DNAJC3: variants seen among roughly 807,000 people sequenced by gnomAD.
DNAJC3 encodes DnaJ heat shock protein family (Hsp40) member C3, also known as dnaJ homolog subfamily C member 3.
Under a neutral mutation model 68.6 loss-of-function variants are expected in DNAJC3, and 38 were observed. That is an observed-to-expected ratio of 0.55 (90% CI 0.43 to 0.73). DNAJC3 has a LOEUF of 0.73. DNAJC3 is among the 30% of genes least tolerant of loss of function. The pLI, the probability that DNAJC3 is intolerant of heterozygous loss-of-function variation, is 0.00. For synonymous variants in DNAJC3, 203 were observed against 204.0 expected, an observed-to-expected ratio of 1.00 and a Z score of 0.04; for missense variants, 526 against 591.9, an observed-to-expected ratio of 0.89 and a Z score of 1.16.
rs1400260642 is a variant in DNAJC3, at chr13:95,785,452, C to T, written c.1076-487C>T. ...GTTTTCATTATTATGCCTTTTAAAC[C>T]TTTTTTTTTTTTTTTTTTTTTTTTG... On this transcript the variant is annotated intron_variant, in intron 9 of 11. Transcript: ENST00000602402. Among the ~76,000 whole-genome samples, 161 of 77,974 alleles carry T rather than the reference C, an allele frequency of 2.1e-3. 3 individuals are homozygous for T. Among genetic ancestry groups the T allele is most frequent in the African/African-American group, 8.4e-3 (155 of 18,528 alleles). The allele number at this position is 77,974 out of a possible 152,430, so 51.2% of individuals were successfully genotyped here.
At chr13:95,743,518 A>G (rs1383923105) in intron 4 of DNAJC3, among the ~76,000 whole-genome samples, 4 of 152,170 alleles carry the variant, frequency 2.6e-5, no homozygotes, top group Non-Finnish European at 5.9e-5. Context: ...TTAAGTGGGA[A>G]CTGAAAGTAT....
intron 7 of DNAJC3, among the ~76,000 whole-genome samples, chr13:95,762,575 A>G (rs1433865512): frequency 1.3e-5 from 2 of 152,184 alleles, no homozygotes; most frequent in Non-Finnish European, 2.9e-5. Flanking sequence ...ACTTGGGACA[A>G]ATACATCTAT....
At chr13:95,683,708 C>T (rs1376267901) in intron 1 of DNAJC3, among the ~76,000 whole-genome samples, 3 of 151,430 alleles carry the variant, frequency 2.0e-5, no homozygotes, top group Admixed American at 6.6e-5. Context: ...GGATGGATCA[C>T]GAGGTCAGGA....
intron 1 of DNAJC3, among the ~76,000 whole-genome samples, chr13:95,690,898 G>A (rs1360828136): frequency 7.3e-6 from 1 of 137,734 alleles, no homozygotes; most frequent in Non-Finnish European, 1.6e-5. Context: ...CCCAGACGGG[G>A]CGGCTGGCCG....
At position 95,709,148 on chromosome 13, in the gene DNAJC3, CTA is replaced by C. The variant is rs557450348; in HGVS notation, c.83-77_83-76del. On this transcript the variant is annotated intron_variant, in intron 1 of 11. Coordinates refer to ENST00000602402, the MANE Select transcript of DNAJC3 (RefSeq NM_006260.5). Reference sequence around the variant, plus strand: ...CTGAGTAGATGACTGAGACAGATAACTATTTTTAATATTATATTTTTTAGAAT... The same window carrying C: ...CTGAGTAGATGACTGAGACAGATAACTTTTTAATATTATATTTTTTAGAAT... 2,353 of 1,035,420 alleles carry C rather than the reference CTA, an allele frequency of 2.3e-3. 5 individuals carry two copies. The highest frequency in any genetic ancestry group is 2.8e-3 in the Non-Finnish European group (2,123 of 754,092). The allele number at this position is 1,035,420 out of a possible 1,614,324, so 64.1% of individuals were successfully genotyped here.
intron 1 of DNAJC3, chr13:95,693,824 T>C (rs1880352217): frequency 6.6e-6 from 1 of 152,202 alleles, no homozygotes; most frequent in Admixed American, 6.5e-5. Context: ...TCACTTCTAC[T>C]ATACCTAGTT....
At chr13:95,735,482 G>C (rs1331131325) in intron 4 of DNAJC3, among the ~76,000 whole-genome samples, 11 of 145,114 alleles carry the variant, frequency 7.6e-5, no homozygotes, top group African/African-American at 2.9e-4. Context: ...TCCAGCACCT[G>C]TTGTTTCCTG....
In DNAJC3 at chr13:95,720,748, G is replaced by A. The variant is rs116284303; in HGVS notation, c.194-2494G>A. ...CTTGCCTCCTAAAGGAAGTTATTTAGTAAAGAAATGTTAGTGACGCTTAGC... is the reference window on the plus strand; with the variant it reads ...CTTGCCTCCTAAAGGAAGTTATTTAATAAAGAAATGTTAGTGACGCTTAGC... On this transcript the variant is annotated intron_variant, in intron 2 of 11. Coordinates refer to ENST00000602402, the MANE Select transcript of DNAJC3 (RefSeq NM_006260.5). 1.9e-3 allele frequency among the ~76,000 whole-genome samples: 291 copies of A among 152,106 alleles called. 1 individual carries two copies. Among genetic ancestry groups the A allele is most frequent in the African/African-American group, 6.8e-3 (284 of 41,470 alleles).
At chr13:95,691,472 A>G (rs1407156607) in intron 1 of DNAJC3, among the ~76,000 whole-genome samples, 1 of 149,116 alleles carries the variant, frequency 6.7e-6, no homozygotes, top group Non-Finnish European at 1.5e-5. Flanking sequence ...CCGGGCAGAG[A>G]TGCTCCTCAC....
chr13:95,688,056 T>C (rs867615733), intron 1 of DNAJC3, among the ~76,000 whole-genome samples: 3 of 152,204 alleles, frequency 2.0e-5, no homozygotes, highest in South Asian at 2.1e-4. Context: ...AATGGGATTT[T>C]GTTATTGATT....
intron 9 of DNAJC3, among the ~76,000 whole-genome samples, chr13:95,764,666 A>G (rs980088926): frequency 8.1e-6 from 1 of 123,832 alleles, no homozygotes; most frequent in Non-Finnish European, 1.6e-5. Context: ...ATATATATAT[A>G]TATATATATA....
At chr13:95,679,032 G>A (rs1005296529) in intron 1 of DNAJC3, among the ~76,000 whole-genome samples, 10 of 152,026 alleles carry the variant, frequency 6.6e-5, no homozygotes, top group Non-Finnish European at 1.3e-4. Context: ...TCTTATTCAC[G>A]AAAGCGTGTG....
intron 4 of DNAJC3, among the ~76,000 whole-genome samples, chr13:95,732,565 T>G (rs1034507589): frequency 3.8e-5 from 1 of 26,482 alleles, no homozygotes; most frequent in Non-Finnish European, 5.9e-5. Flanking sequence ...CCTTTTCTCG[T>G]TTTTTTCTTG....
intron 1 of DNAJC3, chr13:95,695,422 C>T (rs543173979): frequency 4.4e-4 from 67 of 152,294 alleles, no homozygotes; most frequent in African/African-American, 1.5e-3. Context: ...ACGATCCATC[C>T]CTAATAAACT....
At chr13:95,759,497 A>G (rs867186245) in intron 5 of DNAJC3, among the ~76,000 whole-genome samples, 8 of 152,166 alleles carry the variant, frequency 5.3e-5, no homozygotes, top group Admixed American at 3.3e-4. Context: ...AACTTTTTAT[A>G]GAGATGAGAT....
intron 9 of DNAJC3, among the ~76,000 whole-genome samples, chr13:95,779,334 C>T (rs190616009): frequency 1.6e-4 from 25 of 152,048 alleles, no homozygotes; most frequent in Admixed American, 3.3e-4. Context: ...CCGTGTTAGC[C>T]AGGATGGTCT....
intron 1 of DNAJC3, chr13:95,695,804 C>T (rs563045101): frequency 5.3e-5 from 8 of 152,304 alleles, no homozygotes; most frequent in South Asian, 4.1e-4. Flanking sequence ...CCCGCTTCAC[C>T]GTCAACACTG....
In DNAJC3 at chr13:95,678,945, C is replaced by G. The variant is rs568654014; in HGVS notation, c.82+1608C>G. ...AGTGCCAGAGTGTCTTCTTTAGGACCATTGTCTGTGTAAAATAGCAGGGAC... is the reference window on the plus strand; with the variant it reads ...AGTGCCAGAGTGTCTTCTTTAGGACGATTGTCTGTGTAAAATAGCAGGGAC... On this transcript the variant is annotated intron_variant, in intron 1 of 11. Transcript: ENST00000602402. Among the ~76,000 whole-genome samples the G allele has an allele frequency of 3.3e-5, 5 of 152,184 alleles. No individual in the cohort carries two copies. In the South Asian group the frequency reaches 1.0e-3, roughly 32 times the overall value.
At chr13:95,770,611 T>C (rs1183247837) in intron 9 of DNAJC3, among the ~76,000 whole-genome samples, 1 of 152,208 alleles carries the variant, frequency 6.6e-6, no homozygotes, top group African/African-American at 2.4e-5. Flanking sequence ...CCCCTGTATA[T>C]AGAATTAAAC....
Sources: gnomAD v4.1 joint callset for allele counts (sites outside exome capture counted in the v4.1 genomes callset) on GRCh38, gnomAD v4.1.1 for gene constraint, MANE v1.5 for transcripts, NCBI Gene and HGNC (gene_info 2026-07-23, HGNC 2026-07-21) for gene names.